PTPN12: variants seen among roughly 807,000 people sequenced by gnomAD.
PTPN12 encodes tyrosine-protein phosphatase non-receptor type 12.
Under a neutral mutation model 97.6 loss-of-function variants are expected in PTPN12, and 29 were observed. The ratio of observed to expected loss-of-function variants is 0.30; its 90% CI spans 0.22 to 0.41. The LOEUF is 0.41. Ranked by LOEUF, PTPN12 falls within the 10% of genes least tolerant of loss-of-function variation. PTPN12 has a pLI of 1.00. For missense variants in PTPN12, 819 were observed against 926.0 expected (o/e 0.88, Z 1.50); for synonymous variants, 327 against 300.4 (o/e 1.09, Z -0.91).
At chr7:77,571,018 TAA>T in intron 1 of PTPN12, 58 bp from the exon 2 acceptor site, 2 of 1,179,200 alleles carry the variant, frequency 1.7e-6, no homozygotes, top group Non-Finnish European at 2.3e-6. Flanking sequence ...CAGATTTCAT[TAA>T]AAATTTGAAA....
At chr7:77,587,931 C>T (rs1787744735) in intron 5 of PTPN12, among the ~76,000 whole-genome samples, 1 of 152,204 alleles carries the variant, frequency 6.6e-6, no homozygotes, top group South Asian at 2.1e-4. Context: ...TTTCCTTCTG[C>T]AGCTTCCTCA....
Position 77,639,761 on chromosome 7 carries a change from A to C in PTPN12, c.*481A>C, listed in dbSNP as rs1266020073. ...TGGAGTTTTAGAAAATAGTTTCTGA[A>C]TTTTAAACTTGCTGGATTCATGCAG... On this transcript the variant is annotated 3_prime_UTR_variant, in exon 18 of 18. Coordinates refer to ENST00000248594, the MANE Select transcript of PTPN12 (RefSeq NM_002835.4). 1.3e-5 allele frequency: 2 copies of C among 152,872 alleles called. No individual in the cohort carries two copies. Among genetic ancestry groups the C allele is most frequent in the African/African-American group, 4.8e-5 (2 of 41,438 alleles). The allele number at this position is 152,872 out of a possible 1,614,324, so 9.5% of individuals were successfully genotyped here.
intron 1 of PTPN12, among the ~76,000 whole-genome samples, chr7:77,547,746 T>G (rs950056925): frequency 1.3e-5 from 2 of 152,206 alleles, no homozygotes. Context: ...TCCACAAAGA[T>G]GCTACATTTG....
chr7:77,567,438 T>TA (rs765877879), intron 1 of PTPN12, among the ~76,000 whole-genome samples: 7 of 152,150 alleles, frequency 4.6e-5, no homozygotes, highest in Non-Finnish European at 7.4e-5. Flanking sequence ...AATTAAAAGA[T>TA]AAGTAAGCTT....
chr7:77,598,295 A>G (rs1788084637), intron 7 of PTPN12, among the ~76,000 whole-genome samples: 1 of 152,188 alleles, frequency 6.6e-6, no homozygotes, highest in South Asian at 2.1e-4. Flanking sequence ...ATTGGGTAGT[A>G]TGCTCACTCC....
chr7:77,607,358 TA>T, intron 9 of PTPN12, 57 bp downstream of exon 9: 1 of 1,216,698 alleles, frequency 8.2e-7, no homozygotes. Flanking sequence ...TTTTCAAACT[TA>T]ATTATAATTG....
chr7:77,624,349 A>T (rs1032048056), intron 12 of PTPN12, among the ~76,000 whole-genome samples: 5 of 152,040 alleles, frequency 3.3e-5, no homozygotes, highest in Non-Finnish European at 7.4e-5. Context: ...TTTTAATATG[A>T]TCAGTATTCT....
rs777277412 is a variant in PTPN12 at position 77,637,052 on chromosome 7, AGTT to A, written c.2173+8_2173+10del. 1.9e-6 allele frequency: 3 copies of A among 1,606,034 alleles called. No individual in the cohort carries two copies. The highest frequency in any genetic ancestry group is 4.5e-5 in the East Asian group (2 of 44,660). On this transcript the variant is annotated splice_donor_5th_base_variant and intron_variant, in intron 16 of 17. Transcript: ENST00000248594. ...ACCTCTGAAAATGAGAAATGTGGTA[AGTT>A]GTTAGATTTTTTTTTTCCTTTTTAC...
chr7:77,572,348 C>A (rs1352832300), intron 2 of PTPN12, among the ~76,000 whole-genome samples: 1 of 152,016 alleles, frequency 6.6e-6, no homozygotes, highest in Non-Finnish European at 1.5e-5. Flanking sequence ...ATTTGGTGGT[C>A]TTTTTTTACT....
chr7:77,635,352 C>T (rs544948461), intron 14 of PTPN12, among the ~76,000 whole-genome samples: 7 of 152,158 alleles, frequency 4.6e-5, no homozygotes, highest in Non-Finnish European at 1.0e-4. Context: ...TTGCCTGAGC[C>T]TGGGAGGTTG....
chr7:77,563,866 G>A, intron 1 of PTPN12: 1 of 356,536 alleles, frequency 2.8e-6, no homozygotes, highest in Middle Eastern at 3.8e-4. Flanking sequence ...ATAGTTGAAA[G>A]ACCCTTTGGT....
At chr7:77,639,146 C>T in intron 17 of PTPN12, 73 bp from the exon 18 acceptor site, 7 of 1,215,738 alleles carry the variant, frequency 5.8e-6, no homozygotes, top group Non-Finnish European at 7.1e-6. Flanking sequence ...ATGAGAATGT[C>T]TGTGGACATG....
At chr7:77,623,344 T>C (rs1314334902) in intron 12 of PTPN12, among the ~76,000 whole-genome samples, 2 of 152,246 alleles carry the variant, frequency 1.3e-5, no homozygotes, top group African/African-American at 4.8e-5. Flanking sequence ...ACTCATTTAA[T>C]TCTCCTAACT....
At chr7:77,625,472 G>GCTCTCGCTCGCTCTCTCTCTCTCT in intron 12 of PTPN12, among the ~76,000 whole-genome samples, 1 of 33,522 alleles carries the variant, frequency 3.0e-5, no homozygotes, top group Non-Finnish European at 5.0e-5. Context: ...CAGGCTGCTC[G>GCTCTCGCTCGCTCTCTCTCTCTCT]CTCTCTCTCT....
intron 1 of PTPN12, among the ~76,000 whole-genome samples, chr7:77,568,874 A>G (rs1238156731): frequency 2.0e-5 from 3 of 152,208 alleles, no homozygotes; most frequent in Admixed American, 1.3e-4. Context: ...CACTGATACT[A>G]TAAGTATCTA....
rs1789137098 is a variant in PTPN12 at position 77,625,534 on chromosome 7, TCA to T, written c.1026-1169_1026-1168del. 7.7e-5 allele frequency among the ~76,000 whole-genome samples: 8 copies of T among 104,384 alleles called. 1 individual carries two copies. Among genetic ancestry groups the T allele is most frequent in the East Asian group, 6.7e-4 (2 of 3,002 alleles). The allele number at this position is 104,384 out of a possible 152,430, so 68.5% of individuals were successfully genotyped here. ...CTCTCTCTCTCTCTCACTCTCACTC[TCA>T]CTCGCGCTCTCTCTCTCGCTCTCTC... On this transcript the variant is annotated intron_variant, in intron 12 of 17. Transcript: ENST00000248594.
intron 9 of PTPN12, among the ~76,000 whole-genome samples, chr7:77,609,106 G>C (rs1201549450): frequency 6.6e-6 from 1 of 152,018 alleles, no homozygotes; most frequent in African/African-American, 2.4e-5. Context: ...TGTAATCCCA[G>C]TTACTTGTCA....
chr7:77,566,054 A>G (rs576414586), intron 1 of PTPN12, among the ~76,000 whole-genome samples: 11 of 152,220 alleles, frequency 7.2e-5, no homozygotes, highest in Non-Finnish European at 1.5e-4. Context: ...GAGGAGCAGT[A>G]AAGGAGGGAA....
chr7:77,626,250 A>G (rs1267347822), intron 12 of PTPN12, among the ~76,000 whole-genome samples: 1 of 152,216 alleles, frequency 6.6e-6, no homozygotes, highest in Non-Finnish European at 1.5e-5. Context: ...TCATGGTGTC[A>G]TAGATGGGAA....
Sources: gnomAD v4.1 joint callset for allele counts (sites outside exome capture counted in the v4.1 genomes callset) on GRCh38, gnomAD v4.1.1 for gene constraint, MANE v1.5 for transcripts, NCBI Gene and HGNC (gene_info 2026-07-23, HGNC 2026-07-21) for gene names.